TCF20: variants seen among roughly 807,000 people sequenced by gnomAD.
TCF20 encodes the protein SPRE-binding protein.
Under a neutral mutation model 148.6 loss-of-function variants are expected in TCF20, and 3 were observed. The observed-to-expected ratio is 0.02, with a 90% confidence interval of 0.01 to 0.05. The LOEUF (loss-of-function observed/expected upper bound fraction) is 0.05. TCF20 is among the 10% of genes least tolerant of loss of function. The probability of loss-of-function intolerance (pLI) is 1.00; values close to 1 mark genes in which losing one functional copy is unlikely to be tolerated. For synonymous variants in TCF20, 1,049 were observed against 909.5 expected, an observed-to-expected ratio of 1.15 and a Z score of -2.76; for missense variants, 2,350 against 2,429.3, an observed-to-expected ratio of 0.97 and a Z score of 0.69.
chr22:42,217,645 A>G (rs956450733), intron 1 of TCF20, among the ~76,000 whole-genome samples: 10 of 152,206 alleles, frequency 6.6e-5, no homozygotes, highest in African/African-American at 2.4e-4. Flanking sequence ...ATATTCAGAG[A>G]TGGTGCTGTG....
At chr22:42,332,001 T>A (rs991033868) in intron 1 of TCF20, among the ~76,000 whole-genome samples, 3 of 152,212 alleles carry the variant, frequency 2.0e-5, no homozygotes, top group Non-Finnish European at 2.9e-5. Flanking sequence ...TGCTCAGGAC[T>A]TGCTGAAGGA....
intron 1 of TCF20, among the ~76,000 whole-genome samples, chr22:42,255,209 T>G (rs572515964): frequency 2.0e-5 from 3 of 152,080 alleles, no homozygotes; most frequent in Non-Finnish European, 4.4e-5. Flanking sequence ...CAATGTTGGC[T>G]GGGCATGGTG....
chr22:42,262,057 T>G (rs1157412839), intron 1 of TCF20, among the ~76,000 whole-genome samples: 2 of 152,080 alleles, frequency 1.3e-5, no homozygotes, highest in Non-Finnish European at 2.9e-5. Context: ...TGAATGTGAC[T>G]GGAGGGCCGT....
chr22:42,306,447 CT>C (rs1311957196), intron 1 of TCF20, among the ~76,000 whole-genome samples: 1 of 152,228 alleles, frequency 6.6e-6, no homozygotes, highest in African/African-American at 2.4e-5. Flanking sequence ...TGCCCAGGGA[CT>C]TCTAAACTGG....
At chr22:42,307,815 G>A (rs536905144) in intron 1 of TCF20, among the ~76,000 whole-genome samples, 6 of 152,238 alleles carry the variant, frequency 3.9e-5, no homozygotes, top group South Asian at 2.1e-4. Context: ...CCTACCCAGC[G>A]GTGTGACTCC....
intron 2 of TCF20, among the ~76,000 whole-genome samples, chr22:42,204,103 G>A (rs1036798916): frequency 6.6e-6 from 1 of 152,156 alleles, no homozygotes; most frequent in African/African-American, 2.4e-5. Context: ...TCCAAATCAT[G>A]TTTTCCATCA....
rs1921131479 is a variant in TCF20 at position 42,212,746 on chromosome 22, G to A, written c.2560C>T (p.His854Tyr). 6.2e-7 allele frequency: 1 copy of A among 1,614,226 alleles called. No homozygotes were observed. Residue 854 changes from histidine (H) to tyrosine (Y), a missense_variant, in exon 2 of 6, where the codon CAT becomes TAT. By Grantham distance (83) the His-to-Tyr change is moderately conservative (BLOSUM62 2). Coordinates refer to ENST00000677622, the MANE Select transcript of TCF20 (RefSeq NM_001378418.1). ...TCAGAGAGGGAACCCCCAGGCTCAT[G>A]TGCTGATGACTGAGGCTCTATTTCA... ...KFEIEPQSSA[H>Y]EPGGSLSERR...
chr22:42,246,997 A>G (rs1924971655), intron 1 of TCF20, among the ~76,000 whole-genome samples: 1 of 151,426 alleles, frequency 6.6e-6, no homozygotes, highest in Non-Finnish European at 1.5e-5. Flanking sequence ...AAAGGAAAAA[A>G]GAAAGGTATA....
intron 5 of TCF20, among the ~76,000 whole-genome samples, chr22:42,166,030 G>A (rs943463308): frequency 2.6e-5 from 4 of 152,208 alleles, no homozygotes; most frequent in Admixed American, 1.3e-4. Context: ...TTTAGTCAGA[G>A]GTGTGATTCT....
At chr22:42,229,928 C>T (rs1923247836) in intron 1 of TCF20, among the ~76,000 whole-genome samples, 1 of 152,208 alleles carries the variant, frequency 6.6e-6, no homozygotes, top group Admixed American at 6.5e-5. Flanking sequence ...ATGTAACAAA[C>T]ATGTCTCACA....
At chr22:42,336,455 A>G (rs897380489) in intron 1 of TCF20, among the ~76,000 whole-genome samples, 8 of 151,608 alleles carry the variant, frequency 5.3e-5, no homozygotes, top group African/African-American at 1.7e-4. Context: ...CATCCCAGGC[A>G]TCCTATCTGG....
chr22:42,251,941 T>C (rs919533479), intron 1 of TCF20, among the ~76,000 whole-genome samples: 27 of 151,928 alleles, frequency 1.8e-4, no homozygotes, highest in Admixed American at 3.9e-4. Context: ...CAGTGGCTCA[T>C]GCCTGTAATC....
chr22:42,212,964 C>A lies in TCF20; in HGVS notation c.2342G>T (p.Ser781Ile). Residue 781 changes from serine (S) to isoleucine (I), a missense_variant, in exon 2 of 6, where the codon AGC becomes ATC. Ser to Ile is a moderately radical substitution (Grantham distance 142, BLOSUM62 -2). Coordinates refer to ENST00000677622, the MANE Select transcript of TCF20 (RefSeq NM_001378418.1). ...ATTGGGCCTTGTGGTTCCTTCTAGG[C>A]TACCAGCCATCCCCTGATGCTCTTG... ...STQEHQGMAG[S>I]LEGTTRPNVL... The A allele has an allele frequency of 6.2e-7, 1 of 1,614,174 alleles. No individual in the cohort carries two copies. The highest frequency in any genetic ancestry group is 8.5e-7 in the Non-Finnish European group (1 of 1,180,018).
rs1926857548 is a variant in TCF20 at position 42,279,642 on chromosome 22, G to A, written c.-37+4185C>T. 6.6e-6 allele frequency among the ~76,000 whole-genome samples: 1 copy of A among 152,210 alleles called. No individual in the cohort carries two copies. Among genetic ancestry groups the A allele is most frequent in the South Asian group, 2.1e-4 (1 of 4,832 alleles). On this transcript the variant is annotated intron_variant, in intron 1 of 5. Coordinates refer to the TCF20 transcript ENST00000359486. The surrounding 1 kb of genome is among the most constrained non-coding windows in gnomAD (Gnocchi z 4.3). ...TGCGCTTCTCAGTGCCACAAGTGCT[G>A]TTGCCATCATTCCAGCCTCAGGTGC...
chr22:42,248,827 A>C (rs1925128684), intron 1 of TCF20, among the ~76,000 whole-genome samples: 1 of 152,178 alleles, frequency 6.6e-6, no homozygotes, highest in Non-Finnish European at 1.5e-5. Context: ...CATTATCTGG[A>C]AATTAAGTAT....
At chr22:42,194,807 AG>A (rs1442475083) in intron 2 of TCF20, among the ~76,000 whole-genome samples, 1 of 151,926 alleles carries the variant, frequency 6.6e-6, no homozygotes, top group Non-Finnish European at 1.5e-5. Context: ...TCACTCTAGT[AG>A]TGGCAGGTCC....
intron 1 of TCF20, among the ~76,000 whole-genome samples, chr22:42,307,268 C>T (rs774763639): frequency 3.9e-5 from 6 of 152,152 alleles, no homozygotes; most frequent in South Asian, 2.1e-4. Flanking sequence ...ATCCTCGCCC[C>T]GGAATGTGAG....
intron 1 of TCF20, among the ~76,000 whole-genome samples, chr22:42,238,314 G>T (rs865915135): frequency 6.6e-6 from 1 of 152,194 alleles, no homozygotes; most frequent in Non-Finnish European, 1.5e-5. Flanking sequence ...AGTGAAAAGA[G>T]AAAGTCTTGC....
In TCF20 at chr22:42,209,793, A is replaced by T. The variant is rs771087351; in HGVS notation, c.5513T>A (p.Leu1838Gln). The change falls in exon 2 of 6, where the codon CTG becomes CAG. Residue 1838 changes from leucine (L) to glutamine (Q), a missense_variant. By Grantham distance (113) the Leu-to-Gln change is moderately radical (BLOSUM62 -2). This residue lies in a region of TCF20 where 374 missense variants were observed against 398.3 expected (regional missense o/e 0.94). Coordinates refer to ENST00000677622, the MANE Select transcript of TCF20 (RefSeq NM_001378418.1). ...AGGTAGTTCAGGGATTTGTAACTCC[A>T]GCTCAGGGCCACCTTCTGAAGTGGT... ...VPTTSEGGPE[L>Q]ELQIPELPLD... 1 of 1,614,224 alleles carries T rather than the reference A, an allele frequency of 6.2e-7. No individual in the cohort carries two copies. The highest frequency in any genetic ancestry group is 8.5e-7 in the Non-Finnish European group (1 of 1,180,044).
Sources: allele counts gnomAD v4.1 joint callset (sites outside exome capture counted in the v4.1 genomes callset), GRCh38; gene constraint gnomAD v4.1.1; regional missense constraint gnomAD v4.1.1; non-coding constraint Gnocchi (gnomAD v3.1); transcripts MANE v1.5; gene names NCBI Gene and HGNC (gene_info 2026-07-23, HGNC 2026-07-21).